TYW1B: variants seen among roughly 807,000 people sequenced by gnomAD.
TYW1B encodes tRNA-yW synthesizing protein 1 homolog B.
In TYW1B, 73 loss-of-function variants were observed where a neutral mutation model predicts 86.9. The ratio of observed to expected loss-of-function variants is 0.84; its 90% CI spans 0.70 to 1.02. The LOEUF (loss-of-function observed/expected upper bound fraction) is 1.02, where lower values mean the gene tolerates loss of function less well. Ranked by LOEUF, TYW1B falls within the 50% of genes least tolerant of loss-of-function variation. The probability of loss-of-function intolerance (pLI) is 0.00; values close to 1 mark genes in which losing one functional copy is unlikely to be tolerated. For synonymous variants in TYW1B, 248 were observed against 292.8 expected (o/e 0.85, Z 1.56); for missense variants, 637 against 827.4 (o/e 0.77, Z 2.82).
intron 10 of TYW1B, among the ~76,000 whole-genome samples, chr7:72,713,410 G>A (rs577242385): frequency 8.0e-5 from 12 of 150,834 alleles, no homozygotes; most frequent in Non-Finnish European, 1.5e-4. Context: ...TTCCCCTAGC[G>A]ACATATCTGT....
In TYW1B at chr7:72,651,713, C is replaced by T. The variant is rs568407421; in HGVS notation, c.1507-22716G>A. On this transcript the variant is annotated intron_variant, in intron 11 of 13. Transcript: ENST00000620995. ...AAGTCCTTAAGTCCTTAATAAAACA[C>T]GTTTGCAAGTCATAAAAAATCACAA... is the stretch of plus-strand genomic sequence containing the variant. Among the ~76,000 whole-genome samples the T allele has an allele frequency of 7.2e-5, 11 of 152,052 alleles. No homozygotes were observed. The East Asian group carries it at 7.7e-4, about 11-fold the overall frequency.
At chr7:72,682,820 T>C (rs1469365955) in intron 11 of TYW1B, among the ~76,000 whole-genome samples, 8 of 151,922 alleles carry the variant, frequency 5.3e-5, no homozygotes, top group African/African-American at 9.7e-5. Flanking sequence ...ACAGGGAAAC[T>C]GAACTGTAAT....
chr7:72,600,053 G>C (rs529863033), intron 13 of TYW1B, among the ~76,000 whole-genome samples: 9 of 152,292 alleles, frequency 5.9e-5, no homozygotes, highest in Admixed American at 3.3e-4. Context: ...GGGAAAGGAT[G>C]TAGAATAGCC....
At position 72,739,165 on chromosome 7, in the gene TYW1B, AT is replaced by A. The variant is rs1787255171; in HGVS notation, c.1082+5318del. On this transcript the variant is annotated intron_variant, in intron 8 of 13. Transcript: ENST00000620995. ...GATCTGTCAATTGAAGTATGTACAG[AT>A]AAAACAATATGATGGCAAGGATTTG... 3.9e-5 allele frequency among the ~76,000 whole-genome samples: 6 copies of A among 152,334 alleles called. No individual in the cohort carries two copies. The South Asian group carries it at 1.2e-3, about 32-fold the overall frequency.
At chr7:72,689,883 G>C (rs1214822964) in intron 11 of TYW1B, among the ~76,000 whole-genome samples, 3 of 152,142 alleles carry the variant, frequency 2.0e-5, no homozygotes, top group Admixed American at 6.6e-5. Flanking sequence ...GGTCAAATGT[G>C]AAATGTTTGT....
chr7:72,632,285 G>GTATATATATATATAATATAT (rs1239640717), intron 11 of TYW1B, among the ~76,000 whole-genome samples: 1 of 83,568 alleles, frequency 1.2e-5, no homozygotes, highest in Admixed American at 1.4e-4. Flanking sequence ...ATATATACGT[G>GTATATATATATATAATATAT]TATATATATA....
intron 6 of TYW1B, among the ~76,000 whole-genome samples, chr7:72,779,469 C>CA (rs1297062170): frequency 6.6e-6 from 1 of 152,268 alleles, no homozygotes; most frequent in Non-Finnish European, 1.5e-5. Context: ...GTAATCCGAG[C>CA]ACTATGGGAG....
intron 11 of TYW1B, among the ~76,000 whole-genome samples, chr7:72,679,359 T>C (rs1420266259): frequency 5.9e-5 from 9 of 152,254 alleles, no homozygotes; most frequent in Non-Finnish European, 1.3e-4. Context: ...TTAGAAACTG[T>C]GAAACAATCC....
chr7:72,618,762 G>A (rs2960920), intron 12 of TYW1B, among the ~76,000 whole-genome samples: 23,269 of 152,130 alleles, frequency 0.15, 2,428 homozygotes, highest in East Asian at 0.56. Flanking sequence ...TTCATTAAAC[G>A]GAGTTGGAGC....
chr7:72,765,622 C>T (rs566313702), intron 7 of TYW1B, among the ~76,000 whole-genome samples: 25 of 152,230 alleles, frequency 1.6e-4, no homozygotes, highest in Non-Finnish European at 2.8e-4. Flanking sequence ...CACACCACCA[C>T]ACCCATCTAA....
rs1563108915 is a variant in TYW1B, at chr7:72,827,821, CA to C, written c.4+250del. 2.0e-4 allele frequency among the ~76,000 whole-genome samples: 31 copies of C among 152,238 alleles called. 2 individuals carry two copies. In the South Asian group the frequency reaches 6.4e-3, roughly 32 times the overall value. On this transcript the variant is annotated intron_variant, in intron 1 of 13. Transcript: ENST00000620995. ...GCCTGAAATTTAGGCTTTACAGGTG[CA>C]AAAGTCCTAATACACGTGGGTAAAG... is the stretch of plus-strand genomic sequence containing the variant.
chr7:72,618,876 A>G (rs1428996062), intron 12 of TYW1B, among the ~76,000 whole-genome samples: 2 of 152,128 alleles, frequency 1.3e-5, no homozygotes, highest in African/African-American at 2.4e-5. Flanking sequence ...AAACTGCTGA[A>G]ACTCCCTCTG....
At chr7:72,589,984 T>A (rs536019647) in intron 13 of TYW1B, among the ~76,000 whole-genome samples, 1 of 152,326 alleles carries the variant, frequency 6.6e-6, no homozygotes, top group East Asian at 1.9e-4. Context: ...AATAGCAAAG[T>A]TAATTTACTT....
intron 11 of TYW1B, among the ~76,000 whole-genome samples, chr7:72,632,386 AC>A (rs1563038690): frequency 0.019 from 2,027 of 104,370 alleles, 74 homozygotes; most frequent in African/African-American, 0.038. Flanking sequence ...TTATATATAT[AC>A]GTATATATAT....
chr7:72,784,385 C>G (rs1239889140), intron 6 of TYW1B, among the ~76,000 whole-genome samples: 1 of 152,194 alleles, frequency 6.6e-6, no homozygotes, highest in East Asian at 1.9e-4. Flanking sequence ...TTAAACTAAG[C>G]CTCAGTTGCT....
At chr7:72,672,507 C>CACACA (rs1813633828) in intron 11 of TYW1B, among the ~76,000 whole-genome samples, 1 of 150,988 alleles carries the variant, frequency 6.6e-6, no homozygotes, top group African/African-American at 2.5e-5. Context: ...CACACACACA[C>CACACA]ACCTGTATAC....
chr7:72,673,375 A>G (rs1813656875), intron 11 of TYW1B, among the ~76,000 whole-genome samples: 1 of 152,242 alleles, frequency 6.6e-6, no homozygotes, highest in African/African-American at 2.4e-5. Flanking sequence ...ATGAATGGAT[A>G]AAGAAAATGT....
At chr7:72,821,033 C>T (rs1207488447) in intron 2 of TYW1B, among the ~76,000 whole-genome samples, 1 of 152,164 alleles carries the variant, frequency 6.6e-6, no homozygotes, top group African/African-American at 2.4e-5. Context: ...AGTGCAGTGG[C>T]GCCATCTTGG....
chr7:72,807,696 G>T (rs1257721247), intron 4 of TYW1B, among the ~76,000 whole-genome samples: 1 of 151,936 alleles, frequency 6.6e-6, no homozygotes, highest in East Asian at 1.9e-4. Context: ...CAAAATAAAT[G>T]AGTTCCAAAA....
Sources: allele counts gnomAD v4.1 joint callset (sites outside exome capture counted in the v4.1 genomes callset), GRCh38; gene constraint gnomAD v4.1.1; transcripts MANE v1.5; gene names NCBI Gene and HGNC (gene_info 2026-07-23, HGNC 2026-07-21).